Variants in CCDC13 observed in about 807,000 individuals in gnomAD.
The protein encoded by CCDC13 is coiled-coil domain-containing protein 13.
Under a neutral mutation model 87.3 loss-of-function variants are expected in CCDC13, and 70 were observed. The ratio of observed to expected loss-of-function variants is 0.80; its 90% CI spans 0.66 to 0.98. The LOEUF is 0.98. Ranked by LOEUF, CCDC13 falls within the 50% of genes least tolerant of loss-of-function variation. The pLI, the probability that CCDC13 is intolerant of heterozygous loss-of-function variation, is 0.00. For missense variants in CCDC13, 842 were observed against 892.0 expected (o/e 0.94, Z 0.71); for synonymous variants, 317 against 360.3 (o/e 0.88, Z 1.36).
chr3:42,733,671 G>A (rs1698904601), intron 10 of CCDC13, 62 bp from the exon 11 acceptor site: 12 of 1,527,680 alleles, frequency 7.9e-6, no homozygotes, highest in African/African-American at 1.4e-5. Context: ...GAGAAGGCAG[G>A]AGGGGATCTT....
chr3:42,743,200 G>A (rs1699277452), intron 7 of CCDC13, 143 bp from the exon 8 acceptor site: 4 of 840,662 alleles, frequency 4.8e-6, no homozygotes, highest in Non-Finnish European at 5.5e-6. Flanking sequence ...AGGACTAGGG[G>A]TGGGGGACAA....
chr3:42,736,041 G>A (rs1291006922), intron 9 of CCDC13, 128 bp from the exon 10 acceptor site: 7 of 812,402 alleles, frequency 8.6e-6, no homozygotes, highest in South Asian at 3.4e-5. Flanking sequence ...CTGTTCCCTC[G>A]AGAGGCAGGA....
intron 7 of CCDC13, chr3:42,745,276 G>T (rs1699362200): frequency 6.6e-6 from 1 of 151,444 alleles, no homozygotes; most frequent in Non-Finnish European, 1.5e-5. Context: ...CTCCATGCCA[G>T]GCCCTGTGCT....
rs181624922 is a variant in CCDC13, at chr3:42,744,753, C to T, written c.825+1170G>A. 8.6e-5 allele frequency among the ~76,000 whole-genome samples: 12 copies of T among 139,662 alleles called. No individual in the cohort carries two copies. The East Asian group carries it at 2.3e-3, about 26-fold the overall frequency. 91.6% of individuals were successfully genotyped at this position (139,662 alleles called of 152,430 possible). A position where few individuals can be genotyped will look rare whatever the true frequency, so the allele number is the denominator to read the frequency against. ...CCGGGAGGCGGAGCTTGCAGTGAGCCGAGATCGCACCACTGCACTCCAGCC... is the reference window on the plus strand; with the variant it reads ...CCGGGAGGCGGAGCTTGCAGTGAGCTGAGATCGCACCACTGCACTCCAGCC... On this transcript the variant is annotated intron_variant, in intron 7 of 15. Transcript: ENST00000310232.
At position 42,718,833 on chromosome 3, in the gene CCDC13, C is replaced by T. The variant is rs370191738; in HGVS notation, c.1719-5517G>A. Among the ~76,000 whole-genome samples, 103 of 152,228 alleles carry T rather than the reference C, an allele frequency of 6.8e-4. 1 individual carries two copies. Among genetic ancestry groups the T allele is most frequent in the African/African-American group, 2.4e-3 (98 of 41,528 alleles). ...CCAACCCAAAGGAAATAGACTTCAG[C>T]ACTGATTGGATGACTTTGGGTAAGT... On this transcript the variant is annotated intron_variant, in intron 13 of 15. Transcript: ENST00000310232.
intron 8 of CCDC13, among the ~76,000 whole-genome samples, chr3:42,740,438 T>G (rs1431977943): frequency 6.6e-6 from 1 of 152,122 alleles, no homozygotes; most frequent in Non-Finnish European, 1.5e-5. Context: ...TGAGGTTTCC[T>G]ACTATGGTTT....
In CCDC13 at chr3:42,762,182, C is replaced by T. The variant is rs371803241; in HGVS notation, c.-6-3831G>A. Among the ~76,000 whole-genome samples, 4 of 152,232 alleles carry T rather than the reference C, an allele frequency of 2.6e-5. No individual in the cohort carries two copies. The South Asian group carries it at 6.2e-4, about 24-fold the overall frequency. On this transcript the variant is annotated intron_variant, in intron 1 of 15. Transcript: ENST00000310232. ...GTTTTAATGTGCTGTGGGCTGAGCC[C>T]AGGGTTTGGCAAAGGTCAAACAAAA...
chr3:42,720,349 T>C (rs1003472332), intron 13 of CCDC13, among the ~76,000 whole-genome samples: 1 of 152,222 alleles, frequency 6.6e-6, no homozygotes, highest in African/African-American at 2.4e-5. Flanking sequence ...GACTCTTAAC[T>C]GTATGACTTA....
rs943382408 is a variant in CCDC13 at position 42,730,577 on chromosome 3, G to A, written c.1608C>T (p.Ser536=). 3 of 1,613,966 alleles carry A rather than the reference G, an allele frequency of 1.9e-6. No individual in the cohort carries two copies. Among genetic ancestry groups the A allele is most frequent in the Non-Finnish European group, 2.5e-6 (3 of 1,179,982 alleles). Residue 536 remains serine (S), a synonymous_variant, in exon 13 of 16, where the codon TCC becomes TCT. Coordinates refer to ENST00000310232, the MANE Select transcript of CCDC13 (RefSeq NM_144719.4). Reference sequence around the variant, plus strand: ...GTGCCTGCCAGCCTTTTTGTTCTGGGGAGTCCGAGAACCTGGGACCAGGGT... The same window carrying A: ...GTGCCTGCCAGCCTTTTTGTTCTGGAGAGTCCGAGAACCTGGGACCAGGGT... ...PHRTSPRFSD[S]PEQKGWQAQV...
At chr3:42,752,537 G>A (rs752987471) in intron 4 of CCDC13, 38 bp downstream of exon 4, 7 of 1,612,682 alleles carry the variant, frequency 4.3e-6, no homozygotes, top group South Asian at 1.1e-5. Flanking sequence ...CCCATGCTAG[G>A]AGTCCCCTCC....
intron 1 of CCDC13, among the ~76,000 whole-genome samples, chr3:42,767,059 G>A (rs897975540): frequency 1.6e-4 from 24 of 151,950 alleles, no homozygotes; most frequent in African/African-American, 5.6e-4. Context: ...CTACCTAATG[G>A]AATAAGCCAA....
intron 13 of CCDC13, among the ~76,000 whole-genome samples, chr3:42,723,086 C>T (rs965310316): frequency 4.6e-5 from 7 of 152,116 alleles, no homozygotes; most frequent in African/African-American, 1.7e-4. Context: ...CGTGAGCCAC[C>T]GCACCTGGCC....
At chr3:42,764,034 T>A (rs1430051296) in intron 1 of CCDC13, among the ~76,000 whole-genome samples, 1 of 152,210 alleles carries the variant, frequency 6.6e-6, no homozygotes, top group Admixed American at 6.5e-5. Flanking sequence ...TAAGTAGATT[T>A]AAAATTTTTC....
rs754878917 is a variant in CCDC13, at chr3:42,708,982, A to T, written c.2146T>A (p.Ter716LysextTer19). 6.2e-7 allele frequency: 1 copy of T among 1,610,246 alleles called. No homozygotes were observed. Among genetic ancestry groups the T allele is most frequent in the Admixed American group, 1.7e-5 (1 of 59,694 alleles). ...CAGGCCGACACTGGGCTGTCATCCT[A>T]TTGCTTGCCTGTCTTCTGCTGCCGC... The part of the protein sequence containing the change: ...ALRQQKTGKQ[*>K] Residue 716 changes from the stop codon to lysine (K), a stop_lost, in exon 16 of 16, where the codon TAG (stop) becomes AAG (lysine). Coordinates refer to ENST00000310232, the MANE Select transcript of CCDC13 (RefSeq NM_144719.4).
chr3:42,770,955 C>G (rs763533146), intron 1 of CCDC13: 1 of 152,286 alleles, frequency 6.6e-6, no homozygotes, highest in Non-Finnish European at 1.5e-5. Context: ...TGTAATAACA[C>G]TCACCGCGAG....
At chr3:42,770,755 G>A (rs957772312) in intron 1 of CCDC13, 2 of 152,924 alleles carry the variant, frequency 1.3e-5, no homozygotes, top group Non-Finnish European at 2.9e-5. Flanking sequence ...AAGCCAGCAA[G>A]ACCACGAACC....
At chr3:42,716,020 C>A (rs1264847695) in intron 13 of CCDC13, among the ~76,000 whole-genome samples, 8 of 152,152 alleles carry the variant, frequency 5.3e-5, no homozygotes. Context: ...TCCTTGGACC[C>A]AGCTGGGTAA....
chr3:42,718,049 C>T (rs565568180), intron 13 of CCDC13: 38 of 152,304 alleles, frequency 2.5e-4, no homozygotes, highest in African/African-American at 7.9e-4. Flanking sequence ...TTGTCAGAGG[C>T]GTTTGAACAA....
intron 5 of CCDC13, chr3:42,749,990 T>C (rs1435089633): frequency 2.2e-6 from 1 of 456,006 alleles, no homozygotes. Flanking sequence ...TTGCTCTCGC[T>C]CTGATCAGGA....
Sources: allele counts gnomAD v4.1 joint callset (sites outside exome capture counted in the v4.1 genomes callset), GRCh38; gene constraint gnomAD v4.1.1; transcripts MANE v1.5; gene names NCBI Gene and HGNC (gene_info 2026-07-23, HGNC 2026-07-21).